KIR3DL2: variants seen among roughly 807,000 people sequenced by gnomAD.
KIR3DL2 encodes killer cell immunoglobulin-like receptor 3DL2.
KIR3DL2 carries 42 observed loss-of-function variants against 41.6 expected under a neutral mutation model. The ratio of observed to expected loss-of-function variants is 1.01; its 90% confidence interval spans 0.79 to 1.31. The LOEUF is 1.31. Ranked by LOEUF, KIR3DL2 falls within the 50% of genes most tolerant of loss-of-function variation. The pLI, the probability that KIR3DL2 is intolerant of heterozygous loss-of-function variation, is 0.00. For missense variants in KIR3DL2, 728 were observed against 576.8 expected (o/e 1.26, Z -2.68); for synonymous variants, 230 against 221.3 (o/e 1.04, Z -0.35).
In KIR3DL2 at chr19:54,850,750, A is replaced by C. The variant is rs369963401; in HGVS notation, c.34+241A>C. ...GGAGATACGGGCCTGGAGTGGAGATATGGGCCTGGAGTGGAGATATGGGCC... is the reference window on the plus strand; with the variant it reads ...GGAGATACGGGCCTGGAGTGGAGATCTGGGCCTGGAGTGGAGATATGGGCC... On this transcript the variant is annotated intron_variant, in intron 1 of 8. Transcript: ENST00000326321. Among the ~76,000 whole-genome samples, 920 of 92,210 alleles carry C rather than the reference A, an allele frequency of 1.0e-2. 7 individuals carry two copies. The highest frequency in any genetic ancestry group is 0.031 in the Middle Eastern group (3 of 98). The allele number at this position is 92,210 out of a possible 152,430, so 60.5% of individuals were successfully genotyped here. A position where few individuals can be genotyped will look rare whatever the true frequency, so the allele number is the denominator to read the frequency against.
chr19:54,865,563 A>G (rs1456295297), intron 6 of KIR3DL2, among the ~76,000 whole-genome samples: 2 of 152,080 alleles, frequency 1.3e-5, no homozygotes, highest in South Asian at 2.1e-4. Context: ...TTAAATTTCA[A>G]TATTTCAGTG....
At chr19:54,863,304 C>T in intron 6 of KIR3DL2, among the ~76,000 whole-genome samples, 1 of 151,792 alleles carries the variant, frequency 6.6e-6, no homozygotes, top group East Asian at 1.9e-4. Context: ...TGAATAGTGC[C>T]ACAATAAACA....
At chr19:54,851,154 A>T (rs2064194649) in intron 1 of KIR3DL2, 66 bp from the exon 2 acceptor site, 1 of 1,582,336 alleles carries the variant, frequency 6.3e-7, no homozygotes, top group Admixed American at 1.7e-5. Context: ...CACACAGTGC[A>T]GTGGGGGCAG....
rs1310681608 is a variant in KIR3DL2 at position 54,863,542 on chromosome 19, G to A, written c.1001-2263G>A. The stretch of plus-strand genomic sequence containing the variant: ...GTTGTTTCCCGACTTTTTAATGATC[G>A]CCATTCTAACTGGTGTGAGATGGTA... On this transcript the variant is annotated intron_variant, in intron 6 of 8. Transcript: ENST00000326321. Among the ~76,000 whole-genome samples, 7 of 151,906 alleles carry A rather than the reference G, an allele frequency of 4.6e-5. 1 individual carries two copies. The highest frequency in any genetic ancestry group is 6.6e-5 in the Admixed American group (1 of 15,262).
Position 54,865,928 on chromosome 19 carries a change from A to T in KIR3DL2, c.1105+19A>T. 1.9e-6 allele frequency: 3 copies of T among 1,598,088 alleles called. No homozygotes were observed. The highest frequency in any genetic ancestry group is 2.6e-6 in the Non-Finnish European group (3 of 1,166,518). ...AAAAAGAGTAAGTCTCACGAAGCAG[A>T]GGCCAGAGAGCTCAGGGCCATGTGG... On this transcript the variant is annotated intron_variant, in intron 7 of 8. Transcript: ENST00000326321.
chr19:54,857,237 A>G (rs2064855627), intron 5 of KIR3DL2, among the ~76,000 whole-genome samples: 2 of 151,202 alleles, frequency 1.3e-5, no homozygotes, highest in East Asian at 1.9e-4. Context: ...TTACAGGTGC[A>G]CGCCACCATG....
Position 54,852,156 on chromosome 19 carries a change from C to T in KIR3DL2, c.229C>T (p.Gln77Ter). 2 of 1,612,978 alleles carry T rather than the reference C, an allele frequency of 1.2e-6. No homozygotes were observed. Among genetic ancestry groups the T allele is most frequent in the South Asian group, 2.2e-5 (2 of 91,072 alleles). The change falls in exon 3 of 9, where the codon CAG (glutamine) becomes TAG (stop). Residue 77 changes from glutamine (Q) to a stop codon, truncating the protein, a stop_gained. Coordinates refer to ENST00000326321, the MANE Select transcript of KIR3DL2 (RefSeq NM_006737.4). LOFTEE classifies it high-confidence loss of function. ...TCCCATCTTCCACGGCAGAATATTC[C>T]AGGAGAGCTTCATCATGGGCCCTGT... is the stretch of plus-strand genomic sequence containing the variant. ...HVPIFHGRIF[Q>*]ESFIMGPVTP...
rs776512516 is a variant in KIR3DL2, at chr19:54,866,601, G to A, written c.1238G>A (p.Arg413His). The part of the protein sequence containing the change: ...HCVFIQRKIS[R>H]PSQRPKTPLT... ...GTTTTCATACAGAGAAAAATCAGTC[G>A]CCCTTCTCAGAGGCCCAAGACACCC... The change falls in exon 9 of 9, where the codon CGC becomes CAC. Residue 413 changes from arginine to histidine, a missense_variant. Transcript: ENST00000326321. 51 of 1,613,746 alleles carry A rather than the reference G, an allele frequency of 3.2e-5. 1 individual carries two copies. In the Admixed American group the frequency reaches 5.2e-4, roughly 16 times the overall value.
At chr19:54,863,734 T>A (rs2065330436) in intron 6 of KIR3DL2, among the ~76,000 whole-genome samples, 1 of 152,096 alleles carries the variant, frequency 6.6e-6, no homozygotes, top group African/African-American at 2.4e-5. Flanking sequence ...TTGTTTGAGT[T>A]CATTGTAGAT....
intron 5 of KIR3DL2, among the ~76,000 whole-genome samples, chr19:54,858,309 A>T (rs1351885024): frequency 6.6e-6 from 1 of 150,682 alleles, no homozygotes; most frequent in African/African-American, 2.5e-5. Flanking sequence ...TTTTCATTTG[A>T]TTTTTGTGTA....
At chr19:54,851,471 T>C (rs1466826022) in intron 2 of KIR3DL2, among the ~76,000 whole-genome samples, 1 of 150,874 alleles carries the variant, frequency 6.6e-6, no homozygotes, top group Non-Finnish European at 1.5e-5. Context: ...TGCTCCAAGC[T>C]GGGGTGTGCA....
At chr19:54,860,114 A>G (rs1339520149) in intron 6 of KIR3DL2, among the ~76,000 whole-genome samples, 1 of 152,086 alleles carries the variant, frequency 6.6e-6, no homozygotes, top group Non-Finnish European at 1.5e-5. Context: ...CCATAATTCC[A>G]TCTGCAATCT....
intron 5 of KIR3DL2, among the ~76,000 whole-genome samples, chr19:54,856,167 G>T (rs1195317732): frequency 6.6e-6 from 1 of 151,502 alleles, no homozygotes; most frequent in Non-Finnish European, 1.5e-5. Flanking sequence ...CAGAGAAGGG[G>T]AGACTGGGCT....
At chr19:54,851,380 C>A in intron 2 of KIR3DL2, 125 bp downstream of exon 2, 2 of 1,069,318 alleles carry the variant, frequency 1.9e-6, no homozygotes, top group Non-Finnish European at 2.7e-6. Context: ...GATACTCGGC[C>A]CACATTTCTG....
chr19:54,851,236 G>A lies in KIR3DL2; in HGVS notation c.51G>A (p.Gln17=), dbSNP rs2064202361. The change falls in exon 2 of 9, where the codon CAG becomes CAA. Residue 17 remains glutamine, a synonymous_variant. Transcript: ENST00000326321. ...SMACVGFFLL[Q]GAWPLMGGQD... is the part of the protein sequence containing the mutation. ...TCTTTCCAGGGTTCTTCTTGCTGCAGGGGGCCTGGCCACTCATGGGTGAGT... is the reference window on the plus strand; with the variant it reads ...TCTTTCCAGGGTTCTTCTTGCTGCAAGGGGCCTGGCCACTCATGGGTGAGT... 6.2e-7 allele frequency: 1 copy of A among 1,609,316 alleles called. No individual in the cohort carries two copies. Among genetic ancestry groups the A allele is most frequent in the Non-Finnish European group, 8.5e-7 (1 of 1,178,004 alleles).
intron 6 of KIR3DL2, among the ~76,000 whole-genome samples, chr19:54,864,195 T>C (rs1303228162): frequency 6.6e-6 from 1 of 152,114 alleles, no homozygotes; most frequent in Non-Finnish European, 1.5e-5. Flanking sequence ...CTGAGGGCTC[T>C]ATTCTGTTCC....
chr19:54,866,550 T>G lies in KIR3DL2; in HGVS notation c.1187T>G (p.Val396Gly). ...TCTGATGAACAAGACCCTCAGGAGG[T>G]GACGTACGCACAGTTGGATCACTGC... ...QDSDEQDPQE[V>G]TYAQLDHCVF... The change falls in exon 9 of 9, where the codon GTG becomes GGG. Residue 396 changes from valine to glycine, a missense_variant. Val to Gly is a moderately radical substitution (Grantham distance 109). Transcript: ENST00000326321. 1.9e-6 allele frequency: 3 copies of G among 1,613,878 alleles called. No individual in the cohort carries two copies. The East Asian group carries it at 6.7e-5, about 36-fold the overall frequency.
intron 1 of KIR3DL2, 51 bp from the exon 2 acceptor site, chr19:54,851,169 G>C: frequency 6.2e-7 from 1 of 1,603,570 alleles, no homozygotes. Context: ...GGGCAGCAGG[G>C]TGCCCTGGTT....
intron 5 of KIR3DL2, among the ~76,000 whole-genome samples, chr19:54,858,197 G>C (rs1387940378): frequency 6.7e-6 from 1 of 150,352 alleles, no homozygotes; most frequent in Admixed American, 6.6e-5. Context: ...CTTGTGTTTT[G>C]AAGGTTTTAA....
Sources: gnomAD v4.1 joint callset for allele counts (sites outside exome capture counted in the v4.1 genomes callset) on GRCh38, gnomAD v4.1.1 for gene constraint, MANE v1.5 for transcripts, NCBI Gene and HGNC (gene_info 2026-07-23, HGNC 2026-07-21) for gene names.